IFT74: variants seen among roughly 807,000 people sequenced by gnomAD.
IFT74 encodes the protein intraflagellar transport 74, also known as intraflagellar transport protein 74 homolog.
Under a neutral mutation model 96.7 loss-of-function variants are expected in IFT74, and 92 were observed. That is an observed-to-expected ratio of 0.95 (90% CI 0.80 to 1.13). The LOEUF is 1.13. IFT74 is among the 50% of genes most tolerant of loss of function. The probability of loss-of-function intolerance (pLI) is 0.00; values close to 1 mark genes in which losing one functional copy is unlikely to be tolerated. For synonymous variants in IFT74, 223 were observed against 213.2 expected (o/e 1.05, Z -0.40); for missense variants, 811 against 698.2 (o/e 1.16, Z -1.82).
At chr9:26,983,092 A>T (rs553794395) in intron 4 of IFT74, among the ~76,000 whole-genome samples, 15 of 152,218 alleles carry the variant, frequency 9.9e-5, no homozygotes, top group Admixed American at 7.9e-4. Flanking sequence ...TCATGCCCTG[A>T]AAGCCCTGTT....
In IFT74 at chr9:26,977,712, C is replaced by T. The variant is rs12337568; in HGVS notation, c.121-416C>T. 8.0e-3 allele frequency among the ~76,000 whole-genome samples: 1,214 copies of T among 152,204 alleles called. 13 individuals are homozygous for T. Among genetic ancestry groups the T allele is most frequent in the African/African-American group, 0.027 (1,126 of 41,530 alleles). On this transcript the variant is annotated intron_variant, in intron 2 of 19. Coordinates refer to ENST00000380062, the MANE Select transcript of IFT74 (RefSeq NM_025103.4). ...CCATGTTGTCCAGGCTGGTTTTGAACTCCTGACCTCACATGATCCACCTGC... is the reference window on the plus strand; with the variant it reads ...CCATGTTGTCCAGGCTGGTTTTGAATTCCTGACCTCACATGATCCACCTGC...
intron 10 of IFT74, 146 bp from the exon 11 acceptor site, chr9:27,016,761 C>T: frequency 1.9e-6 from 1 of 524,212 alleles, no homozygotes; most frequent in East Asian, 3.0e-5. Flanking sequence ...TGCTTTGTAG[C>T]ATTATTGAGT....
chr9:26,979,703 C>CTT (rs951706952), intron 3 of IFT74, among the ~76,000 whole-genome samples: 4,569 of 75,482 alleles, frequency 0.061, 1,067 homozygotes, highest in East Asian at 0.49. Flanking sequence ...GGAACACTTT[C>CTT]TTTTTTTTTT....
intron 8 of IFT74, among the ~76,000 whole-genome samples, chr9:27,006,831 G>GT (rs35534656): frequency 0.025 from 1,586 of 64,212 alleles, 105 homozygotes; most frequent in African/African-American, 0.05. Context: ...ATTATTGTGT[G>GT]TTTTTTTTTT....
intron 10 of IFT74, 117 bp from the exon 11 acceptor site, chr9:27,016,790 C>G: frequency 1.6e-6 from 1 of 638,088 alleles, no homozygotes; most frequent in Non-Finnish European, 2.5e-6. Flanking sequence ...TATTTGCTGT[C>G]TGTATTTAAA....
intron 1 of IFT74, among the ~76,000 whole-genome samples, chr9:26,956,748 G>T (rs1826124588): frequency 6.6e-6 from 1 of 152,210 alleles, no homozygotes; most frequent in African/African-American, 2.4e-5. Flanking sequence ...GACCCGCCAA[G>T]CACAGAGCAG....
intron 8 of IFT74, chr9:26,996,320 T>G (rs1828153248): frequency 1.3e-6 from 2 of 1,584,434 alleles, no homozygotes; most frequent in Non-Finnish European, 1.7e-6. Flanking sequence ...CCTGAATTTC[T>G]TGTTAAGTTG....
chr9:26,979,070 A>T (rs949877924), intron 3 of IFT74, among the ~76,000 whole-genome samples: 5 of 152,078 alleles, frequency 3.3e-5, no homozygotes, highest in Admixed American at 3.3e-4. Context: ...AGGAATGAAG[A>T]TATACTGCTA....
At chr9:26,975,050 C>T (rs1476734054) in intron 2 of IFT74, among the ~76,000 whole-genome samples, 1 of 151,442 alleles carries the variant, frequency 6.6e-6, no homozygotes, top group Non-Finnish European at 1.5e-5. Context: ...GGGACAGGCT[C>T]ATGGGATGAT....
chr9:27,047,651 C>T (rs1187964531), intron 15 of IFT74, among the ~76,000 whole-genome samples: 1 of 152,094 alleles, frequency 6.6e-6, no homozygotes, highest in African/African-American at 2.4e-5. Context: ...TGATCTTCTT[C>T]CATTGTTAAT....
chr9:27,022,335 T>C (rs766847071), intron 12 of IFT74, among the ~76,000 whole-genome samples: 4 of 152,174 alleles, frequency 2.6e-5, no homozygotes, highest in Non-Finnish European at 5.9e-5. Context: ...GGGTTCCATA[T>C]GAATTTTGGA....
chr9:26,969,993 C>T lies in IFT74; in HGVS notation c.120+7906C>T, dbSNP rs78368454. ...TTTTTTGGTTTTTTCCTTAGCACTT[C>T]GAAAATGACTTCCTATTCTCTTTTT... On this transcript the variant is annotated intron_variant, in intron 2 of 19. Transcript: ENST00000380062. 5.6e-3 allele frequency among the ~76,000 whole-genome samples: 855 copies of T among 151,796 alleles called. 23 individuals carry two copies. The South Asian group carries it at 0.069, about 12-fold the overall frequency.
intron 13 of IFT74, among the ~76,000 whole-genome samples, chr9:27,042,269 A>G (rs978702809): frequency 1.5e-4 from 23 of 152,180 alleles, no homozygotes; most frequent in Admixed American, 1.5e-3. Flanking sequence ...ATTGCCATGG[A>G]TATAGCGTTA....
At chr9:26,948,192 C>T (rs1312560582) in intron 1 of IFT74, among the ~76,000 whole-genome samples, 4 of 152,190 alleles carry the variant, frequency 2.6e-5, no homozygotes, top group Admixed American at 2.0e-4. Flanking sequence ...ATATCCCCTC[C>T]CTGGGTGGAT....
upstream of IFT74, among the ~76,000 whole-genome samples, chr9:26,953,186 GT>G (rs1267369548): frequency 2.6e-5 from 4 of 152,134 alleles, no homozygotes; most frequent in South Asian, 2.1e-4. Flanking sequence ...CTCTGAGAAG[GT>G]TTTTTTCCCC....
At chr9:27,019,781 CTT>C (rs1415326890) in intron 12 of IFT74, among the ~76,000 whole-genome samples, 1 of 151,774 alleles carries the variant, frequency 6.6e-6, no homozygotes, top group Non-Finnish European at 1.5e-5. Context: ...TTTCACTTCT[CTT>C]GTATATATAC....
rs150095317 is a variant in IFT74 at position 27,039,928 on chromosome 9, G to A, written c.1055-4814G>A. ...GAAAAGTAGATGGGAGAGATAGACT[G>A]AATGCAAAAAGATGGAATTTTATAG... is the stretch of plus-strand genomic sequence containing the variant. On this transcript the variant is annotated intron_variant, in intron 13 of 19. Coordinates refer to ENST00000380062, the MANE Select transcript of IFT74 (RefSeq NM_025103.4). Among the ~76,000 whole-genome samples, 142 of 152,252 alleles carry A rather than the reference G, an allele frequency of 9.3e-4. 1 individual carries two copies. Among genetic ancestry groups the A allele is most frequent in the South Asian group, 2.1e-3 (10 of 4,826 alleles).
At chr9:26,996,280 G>A (rs763178525) in intron 8 of IFT74, 6 of 1,219,844 alleles carry the variant, frequency 4.9e-6, no homozygotes, top group Non-Finnish European at 6.8e-6. Context: ...GATACATTCA[G>A]CAGTGTTAAT....
At position 27,016,950 on chromosome 9, in the gene IFT74, A is replaced by G. The variant is rs769825258; in HGVS notation, c.833A>G (p.His278Arg). The G allele has an allele frequency of 5.0e-6, 8 of 1,610,690 alleles. No individual in the cohort carries two copies. Among genetic ancestry groups the G allele is most frequent in the South Asian group, 1.1e-5 (1 of 90,506 alleles). Residue 278 changes from histidine (H) to arginine (R), a missense_variant, in exon 11 of 20, where the codon CAT (histidine) becomes CGT (arginine). His to Arg is a conservative substitution (Grantham distance 29, BLOSUM62 0). Coordinates refer to ENST00000380062, the MANE Select transcript of IFT74 (RefSeq NM_025103.4). ...GTGAAACAGGAGGCGGTATTGCTGC[A>G]TGAAAAACTTTATGAGTTGGAGTCC... The part of the protein sequence containing the change: ...SQVKQEAVLL[H>R]EKLYELESHR...
Sources: allele counts gnomAD v4.1 joint callset (sites outside exome capture counted in the v4.1 genomes callset), GRCh38; gene constraint gnomAD v4.1.1; transcripts MANE v1.5; gene names NCBI Gene and HGNC (gene_info 2026-07-23, HGNC 2026-07-21).